Variants in ADARB2 observed in about 807,000 individuals in gnomAD.
ADARB2 encodes adenosine deaminase RNA specific B2 (inactive), also known as inactive double-stranded RNA-specific editase B2.
In ADARB2, 25 loss-of-function variants were observed where a neutral mutation model predicts 62.2. That is an observed-to-expected ratio of 0.40 (90% CI 0.29 to 0.56). ADARB2 has a LOEUF of 0.56. Among genes scored for constraint, ADARB2 ranks in the 20% least tolerant of loss-of-function variants. The pLI, the probability that ADARB2 is intolerant of heterozygous loss-of-function variation, is 0.43. For synonymous variants in ADARB2, 572 were observed against 500.8 expected, an observed-to-expected ratio of 1.14 and a Z score of -1.90; for missense variants, 1,071 against 1,077.4, an observed-to-expected ratio of 0.99 and a Z score of 0.08.
At chr10:1,737,006 C>CG (rs1564208649) in intron 1 of ADARB2, 45 bp downstream of exon 1, 1 of 1,596,632 alleles carries the variant, frequency 6.3e-7, no homozygotes, top group Non-Finnish European at 8.5e-7. Context: ...GTGGAGAAGC[C>CG]GGGGGTGAAG....
chr10:1,418,398 G>A (rs1290957283), intron 1 of ADARB2, among the ~76,000 whole-genome samples: 1 of 152,194 alleles, frequency 6.6e-6, no homozygotes, highest in Non-Finnish European at 1.5e-5. Context: ...GGCTGCTCTG[G>A]CAGATCCCCT....
chr10:1,684,199 A>G (rs1834573921), intron 1 of ADARB2, among the ~76,000 whole-genome samples: 1 of 152,216 alleles, frequency 6.6e-6, no homozygotes. Context: ...TCTGAAATCC[A>G]TGACAGAAAA....
At chr10:1,279,943 G>A (rs1292046204) in intron 3 of ADARB2, among the ~76,000 whole-genome samples, 1 of 152,204 alleles carries the variant, frequency 6.6e-6, no homozygotes, top group Non-Finnish European at 1.5e-5. Context: ...TCACACCTTA[G>A]TGCTGATGCT....
chr10:1,365,967 G>A (rs769019048), intron 2 of ADARB2, among the ~76,000 whole-genome samples: 1 of 152,218 alleles, frequency 6.6e-6, no homozygotes, highest in Non-Finnish European at 1.5e-5. Context: ...CAATGTAGAT[G>A]AATCTCAAGA....
At chr10:1,232,858 G>A (rs528836297) in intron 6 of ADARB2, among the ~76,000 whole-genome samples, 98 of 151,178 alleles carry the variant, frequency 6.5e-4, no homozygotes, top group Middle Eastern at 6.9e-3. Context: ...TGTGGTATGC[G>A]TGTAGTGTAT....
chr10:1,680,390 C>T (rs766345516), intron 1 of ADARB2, among the ~76,000 whole-genome samples: 107 of 152,138 alleles, frequency 7.0e-4, no homozygotes, highest in Non-Finnish European at 1.2e-3. Flanking sequence ...CATCAACACC[C>T]TTCTCCACCC....
chr10:1,256,827 A>G (rs1831083734), intron 4 of ADARB2, among the ~76,000 whole-genome samples: 1 of 152,224 alleles, frequency 6.6e-6, no homozygotes, highest in African/African-American at 2.4e-5. Context: ...CCTCATTTGC[A>G]TTGGGCTGAG....
intron 1 of ADARB2, among the ~76,000 whole-genome samples, chr10:1,508,873 G>A (rs566835721): frequency 1.2e-4 from 19 of 152,208 alleles, no homozygotes; most frequent in Admixed American, 4.6e-4. Context: ...AGGCTGCAGA[G>A]CTCCTGAAAG....
At chr10:1,642,250 A>G (rs1300467109) in intron 1 of ADARB2, among the ~76,000 whole-genome samples, 2 of 147,644 alleles carry the variant, frequency 1.4e-5, no homozygotes, top group Non-Finnish European at 2.9e-5. Flanking sequence ...AAAATACTCA[A>G]AGCATTGCTT....
intron 3 of ADARB2, among the ~76,000 whole-genome samples, chr10:1,282,378 G>A (rs1436965090): frequency 6.6e-6 from 1 of 152,180 alleles, no homozygotes; most frequent in Non-Finnish European, 1.5e-5. Flanking sequence ...CCACAGAACT[G>A]TGTCTACTGT....
At chr10:1,352,146 T>C (rs1832149297) in intron 3 of ADARB2, among the ~76,000 whole-genome samples, 3 of 151,922 alleles carry the variant, frequency 2.0e-5, no homozygotes. Context: ...AATTTCTTCC[T>C]CATCTGTTAC....
intron 3 of ADARB2, among the ~76,000 whole-genome samples, chr10:1,322,645 A>C (rs1049758305): frequency 1.2e-4 from 18 of 152,304 alleles, no homozygotes; most frequent in Admixed American, 9.8e-4. Context: ...AAATTGACAG[A>C]TCATAAGAGC....
At chr10:1,707,046 A>G (rs1225166055) in intron 1 of ADARB2, among the ~76,000 whole-genome samples, 2 of 152,232 alleles carry the variant, frequency 1.3e-5, no homozygotes, top group African/African-American at 2.4e-5. Flanking sequence ...CACCCCACAG[A>G]AAAAGTTTAG....
chr10:1,427,891 G>A (rs1028816883), intron 1 of ADARB2, among the ~76,000 whole-genome samples: 12 of 152,092 alleles, frequency 7.9e-5, no homozygotes, highest in South Asian at 4.1e-4. Context: ...TCAACAATAA[G>A]AGGAAATGAA....
chr10:1,281,122 C>G (rs1831367242), intron 3 of ADARB2, among the ~76,000 whole-genome samples: 1 of 152,236 alleles, frequency 6.6e-6, no homozygotes, highest in South Asian at 2.1e-4. Context: ...GAAAATGTCT[C>G]TGCACCATAA....
intron 1 of ADARB2, among the ~76,000 whole-genome samples, chr10:1,614,653 T>C (rs1222412025): frequency 1.3e-5 from 2 of 152,252 alleles, no homozygotes; most frequent in Non-Finnish European, 1.5e-5. Flanking sequence ...GGCTTACGCC[T>C]GTCATCCCAG....
intron 6 of ADARB2, among the ~76,000 whole-genome samples, chr10:1,225,087 A>T (rs1830732387): frequency 6.6e-6 from 1 of 152,018 alleles, no homozygotes; most frequent in Admixed American, 6.5e-5. Flanking sequence ...TTGCTTTATG[A>T]ATCTGGGTGC....
intron 3 of ADARB2, among the ~76,000 whole-genome samples, chr10:1,273,457 A>G (rs147447559): frequency 1.1e-4 from 16 of 152,174 alleles, no homozygotes; most frequent in Middle Eastern, 3.4e-3. Flanking sequence ...TTGGTGCCCA[A>G]ATCACACACA....
intron 1 of ADARB2, among the ~76,000 whole-genome samples, chr10:1,543,736 C>G (rs1832473260): frequency 6.6e-6 from 1 of 152,166 alleles, no homozygotes; most frequent in Non-Finnish European, 1.5e-5. Flanking sequence ...TGTGCCTGTG[C>G]TCTCCTGAGC....
Sources: allele counts gnomAD v4.1 joint callset (sites outside exome capture counted in the v4.1 genomes callset), GRCh38; gene constraint gnomAD v4.1.1; transcripts MANE v1.5; gene names NCBI Gene and HGNC (gene_info 2026-07-23, HGNC 2026-07-21).